Variants in BEND2 observed in about 807,000 individuals in gnomAD.
BEND2 encodes the protein BEN domain-containing protein 2.
BEND2 carries 19 observed loss-of-function variants against 43.8 expected under a neutral mutation model. That is an observed-to-expected ratio of 0.43 (90% CI 0.30 to 0.64). The LOEUF (loss-of-function observed/expected upper bound fraction) is 0.64. Ranked by LOEUF, BEND2 falls within the 30% of genes least tolerant of loss-of-function variation. The pLI, the probability that BEND2 is intolerant of heterozygous loss-of-function variation, is 0.11. For synonymous variants in BEND2, 226 were observed against 210.1 expected (o/e 1.08, Z -0.66); for missense variants, 544 against 574.0 (o/e 0.95, Z 0.53).
chrX:18,208,411 A>G (rs1255570541), intron 4 of BEND2, among the ~76,000 whole-genome samples: 2 of 109,854 alleles, frequency 1.8e-5, no homozygotes, highest in South Asian at 4.0e-4. Flanking sequence ...GCTTGAATCC[A>G]GGAGTAGGAG....
At chrX:18,185,320 G>A (rs1231856106) in intron 8 of BEND2, among the ~76,000 whole-genome samples, 1 of 108,579 alleles carries the variant, frequency 9.2e-6, no homozygotes, top group Non-Finnish European at 1.9e-5. Context: ...CCTGAGCTCA[G>A]GAGTTCAAGA....
At chrX:18,168,934 G>A (rs1041513101) in intron 13 of BEND2, among the ~76,000 whole-genome samples, 2 of 111,422 alleles carry the variant, frequency 1.8e-5, no homozygotes, top group Non-Finnish European at 3.8e-5. Context: ...TTTAAGATGT[G>A]CAAAAAGATT....
At chrX:18,183,758 C>A (rs187645937) in intron 8 of BEND2, among the ~76,000 whole-genome samples, 3,241 of 111,857 alleles carry the variant, frequency 0.029, 45 homozygotes, top group Non-Finnish European at 0.046. Context: ...GCAGTGGTGG[C>A]CACAAGGAGA....
intron 11 of BEND2, among the ~76,000 whole-genome samples, chrX:18,175,383 C>A (rs757095511): frequency 4.5e-4 from 51 of 112,305 alleles, no homozygotes; most frequent in Middle Eastern, 4.7e-3. Context: ...ATATGACACT[C>A]TTCCCTAATG....
chrX:18,171,159 A>G lies in BEND2; in HGVS notation c.2027T>C (p.Val676Ala). 8.3e-7 allele frequency: 1 copy of G among 1,209,495 alleles called. No individual in the cohort carries two copies. Among genetic ancestry groups the G allele is most frequent in the Non-Finnish European group, 1.1e-6 (1 of 893,071 alleles). The change falls in exon 13 of 14, where the codon GTA becomes GCA. Residue 676 changes from valine to alanine, a missense_variant. Coordinates refer to ENST00000380033, the MANE Select transcript of BEND2 (RefSeq NM_153346.5). The stretch of plus-strand genomic sequence containing the variant: ...AGACTTAGTTTTTGCCAAAGTCAGT[A>G]CTGAACATGGCATCCGTATATTTCT... Reference protein sequence around the residue: ...PWRNIRMPCSVLTLAKTKSCA... With the variant: ...PWRNIRMPCSALTLAKTKSCA...
intron 5 of BEND2, 148 bp downstream of exon 5, chrX:18,203,352 GT>G: frequency 3.0e-6 from 2 of 667,736 alleles, no homozygotes; most frequent in Admixed American, 7.3e-5. Flanking sequence ...GTATCTCTCT[GT>G]ATTATTTCTT....
intron 1 of BEND2, among the ~76,000 whole-genome samples, chrX:18,218,503 C>T (rs1925741211): frequency 8.9e-6 from 1 of 112,759 alleles, no homozygotes; most frequent in Non-Finnish European, 1.9e-5. Context: ...AAAGTCCAAT[C>T]AGTTCTTTTA....
chrX:18,202,215 C>G (rs1024158514), intron 5 of BEND2, among the ~76,000 whole-genome samples: 1 of 111,759 alleles, frequency 8.9e-6, no homozygotes, highest in Admixed American at 9.5e-5. Flanking sequence ...GTAGATCACC[C>G]ATATATAGCT....
At chrX:18,200,121 G>GA (rs1311997634) in intron 6 of BEND2, among the ~76,000 whole-genome samples, 16 of 107,556 alleles carry the variant, frequency 1.5e-4, no homozygotes, top group Admixed American at 5.0e-4. Context: ...CCAAAAACTG[G>GA]AAAAAAAAAC....
At chrX:18,183,042 C>CAAAA (rs56812732) in intron 8 of BEND2, among the ~76,000 whole-genome samples, 11 of 40,786 alleles carry the variant, frequency 2.7e-4, no homozygotes, top group Non-Finnish European at 3.6e-4. Context: ...ACTCTGTCTC[C>CAAAA]AAAAAAAAAA....
At chrX:18,201,676 A>G (rs1017569696) in intron 6 of BEND2, 139 bp downstream of exon 6, 1 of 716,100 alleles carries the variant, frequency 1.4e-6, no homozygotes, top group Non-Finnish European at 1.9e-6. Context: ...TATTTTTAGT[A>G]GAGACGGGTT....
intron 6 of BEND2, 61 bp from the exon 7 acceptor site, chrX:18,195,503 T>C: frequency 9.6e-7 from 1 of 1,046,105 alleles, no homozygotes; most frequent in Non-Finnish European, 1.3e-6. Context: ...ACTATCCTTC[T>C]GGAAAAAAGG....
intron 9 of BEND2, among the ~76,000 whole-genome samples, chrX:18,179,117 T>G (rs760968133): frequency 9.1e-6 from 1 of 109,691 alleles, no homozygotes; most frequent in Non-Finnish European, 1.9e-5. Context: ...TTTGTACCAA[T>G]GTATATTTCT....
At chrX:18,168,887 T>C in intron 13 of BEND2, among the ~76,000 whole-genome samples, 1 of 112,243 alleles carries the variant, frequency 8.9e-6, no homozygotes, top group Middle Eastern at 4.6e-3. Context: ...GTAGTTCAAA[T>C]GTATGAACAG....
At position 18,171,149 on chromosome X, in the gene BEND2, C is replaced by T. The variant is rs1026258780; in HGVS notation, c.2037G>A (p.Leu679=). Residue 679 remains leucine (L), a synonymous_variant, in exon 13 of 14, where the codon TTG becomes TTA. Transcript: ENST00000380033. ...GGCTTGCGCAAGACTTAGTTTTTGCCAAAGTCAGTACTGAACATGGCATCC... is the reference window on the plus strand; with the variant it reads ...GGCTTGCGCAAGACTTAGTTTTTGCTAAAGTCAGTACTGAACATGGCATCC... ...NIRMPCSVLT[L]AKTKSCASLS... 2 of 1,207,838 alleles carry T rather than the reference C, an allele frequency of 1.7e-6. No homozygotes were observed. Among genetic ancestry groups the T allele is most frequent in the Non-Finnish European group, 2.2e-6 (2 of 892,851 alleles).
In BEND2 at chrX:18,203,539, C is replaced by A. The variant is rs991528638; in HGVS notation, c.869G>T (p.Gly290Val). ...GAAGCAGAAAGATGACAAGGCTCTA[C>A]CTGGGCCCACATTTTCATTTTCTGG... Reference protein sequence around the residue: ...ALPENENVGPGRALSSFCFHP... With the variant: ...ALPENENVGPVRALSSFCFHP... The change falls in exon 5 of 14, where the codon GGT (glycine) becomes GTT (valine). Residue 290 changes from glycine to valine, a missense_variant. Coordinates refer to ENST00000380033, the MANE Select transcript of BEND2 (RefSeq NM_153346.5). The A allele has an allele frequency of 8.3e-7, 1 of 1,209,485 alleles. No individual in the cohort carries two copies. Among genetic ancestry groups the A allele is most frequent in the Non-Finnish European group, 1.1e-6 (1 of 894,782 alleles).
chrX:18,203,796 C>G lies in BEND2; in HGVS notation c.612G>C (p.Glu204Asp), dbSNP rs775128515. Residue 204 changes from glutamate to aspartate, a missense_variant, in exon 5 of 14, where the codon GAG (glutamate) becomes GAC (aspartate). Glu to Asp is a conservative substitution (Grantham distance 45). Around this residue, in one of 2 missense-constraint regions of BEND2, gnomAD observed 501 missense variants for 501.6 expected, o/e 1.00. Coordinates refer to ENST00000380033, the MANE Select transcript of BEND2 (RefSeq NM_153346.5). ...AGACAATTCTGGGATATGATAAACT[C>G]TCACTGAGGTCTGCTTCCTGCAGTT... ...CHELQEADLS[E>D]SLSYPRIVSS... 10 of 1,211,198 alleles carry G rather than the reference C, an allele frequency of 8.3e-6. No individual in the cohort carries two copies. Among genetic ancestry groups the G allele is most frequent in the Non-Finnish European group, 1.1e-5 (10 of 894,845 alleles).
In BEND2 at chrX:18,164,773, G is replaced by A. The variant is rs1029879731; in HGVS notation, c.*236C>T. 2 of 369,905 alleles carry A rather than the reference G, an allele frequency of 5.4e-6. No individual in the cohort carries two copies. The highest frequency in any genetic ancestry group is 5.3e-5 in the Admixed American group (1 of 18,964). 30.5% of individuals were successfully genotyped at this position (369,905 alleles called of 1,213,427 possible). A position where few individuals can be genotyped will look rare whatever the true frequency, so the allele number is the denominator to read the frequency against. On this transcript the variant is annotated 3_prime_UTR_variant, in exon 14 of 14. Transcript: ENST00000380033. Reference sequence around the variant, plus strand: ...GCCATGGGTCACAAGCCCATGAGGAGTTTACTACCATTCCCTCAATCAGAG... The same window carrying A: ...GCCATGGGTCACAAGCCCATGAGGAATTTACTACCATTCCCTCAATCAGAG...
chrX:18,213,170 A>T (rs897208558), intron 3 of BEND2, among the ~76,000 whole-genome samples: 1 of 112,143 alleles, frequency 8.9e-6, no homozygotes, highest in African/African-American at 3.2e-5. Context: ...GGTCCATTTC[A>T]GCTTTCAAGT....
Sources: allele counts gnomAD v4.1 joint callset (sites outside exome capture counted in the v4.1 genomes callset), GRCh38; gene constraint gnomAD v4.1.1; regional missense constraint gnomAD v4.1.1; transcripts MANE v1.5; gene names NCBI Gene and HGNC (gene_info 2026-07-23, HGNC 2026-07-21).